Variants in RGS3 observed in about 807,000 individuals in gnomAD.
RGS3 encodes the protein regulator of G-protein signalling 3.
A neutral mutation model predicts 132.6 loss-of-function variants in RGS3; 80 were observed. The observed-to-expected ratio is 0.60, with a 90% CI of 0.50 to 0.73. The LOEUF is 0.73. Ranked by LOEUF, RGS3 falls within the 30% of genes least tolerant of loss-of-function variation. The pLI is 0.00. For missense variants in RGS3, 1,382 were observed against 1,530.8 expected, an observed-to-expected ratio of 0.90 and a Z score of 1.62; for synonymous variants, 598 against 620.6, an observed-to-expected ratio of 0.96 and a Z score of 0.54.
At chr9:113,462,299 G>T (rs1829494998) in intron 3 of RGS3, 1 of 288,054 alleles carries the variant, frequency 3.5e-6, no homozygotes. Context: ...GTTGGAGGGG[G>T]AGAGTGGGGT....
intron 21 of RGS3, chr9:113,593,636 C>A: frequency 2.3e-6 from 1 of 430,918 alleles, no homozygotes; most frequent in South Asian, 3.5e-5. Flanking sequence ...GGCTGAGAGG[C>A]CGGCTGGCAG....
chr9:113,497,604 G>A (rs1335754710), intron 9 of RGS3, among the ~76,000 whole-genome samples, 200 bp downstream of exon 7: 1 of 152,162 alleles, frequency 6.6e-6, no homozygotes, highest in African/African-American at 2.4e-5. Context: ...CTGTTTATCT[G>A]GTTGGACTTT....
At chr9:113,451,754 A>G (rs1041037770) in intron 1 of RGS3, among the ~76,000 whole-genome samples, 2 of 152,040 alleles carry the variant, frequency 1.3e-5, no homozygotes, top group Non-Finnish European at 2.9e-5. Flanking sequence ...ATAATAAGAA[A>G]AGCTATTTCA....
At chr9:113,568,194 C>G (rs1185278228) in intron 19 of RGS3, among the ~76,000 whole-genome samples, 1 of 152,246 alleles carries the variant, frequency 6.6e-6, no homozygotes, top group Non-Finnish European at 1.5e-5. Context: ...CTGCCCAGGC[C>G]TCTCTGTACT....
At chr9:113,583,516 G>C (rs753327775) in exon 20 of RGS3, 10 of 1,614,092 alleles carry the variant, frequency 6.2e-6, no homozygotes, top group Non-Finnish European at 8.5e-6. Context: ...GCCTGGTGCC[G>C]AGGATTCCCC....
intron 19 of RGS3, chr9:113,581,406 C>G (rs1356929561): frequency 6.6e-6 from 1 of 152,226 alleles, no homozygotes; most frequent in Non-Finnish European, 1.5e-5. Flanking sequence ...ACTGGAGGCC[C>G]TGACATTACA....
At chr9:113,474,328 G>A (rs752326297) in intron 3 of RGS3, among the ~76,000 whole-genome samples, 2 of 152,136 alleles carry the variant, frequency 1.3e-5, no homozygotes, top group Non-Finnish European at 2.9e-5. Context: ...GGAACTCAGG[G>A]TTCTCCTTCT....
intron 16 of RGS3, chr9:113,522,313 G>A (rs929725515): frequency 6.6e-6 from 1 of 152,260 alleles, no homozygotes; most frequent in East Asian, 1.9e-4. Context: ...GCTTTACTAG[G>A]TCTGCAAAAA....
intron 7 of RGS3, among the ~76,000 whole-genome samples, chr9:113,490,862 A>G (rs1830490776): frequency 7.6e-6 from 1 of 131,112 alleles, no homozygotes; most frequent in Non-Finnish European, 1.5e-5. Context: ...CCTAATTATA[A>G]TTATATATCA....
At chr9:113,452,862 T>G (rs1261351894) in intron 1 of RGS3, among the ~76,000 whole-genome samples, 2 of 145,060 alleles carry the variant, frequency 1.4e-5, no homozygotes, top group Non-Finnish European at 3.0e-5. Flanking sequence ...CATTATATTT[T>G]TCACCTCTAG....
intron 18 of RGS3, among the ~76,000 whole-genome samples, chr9:113,533,830 C>T (rs565031478): frequency 8.5e-5 from 13 of 152,304 alleles, no homozygotes; most frequent in African/African-American, 2.6e-4. Context: ...CTGCCTCACC[C>T]GGCTTCTCCC....
chr9:113,592,574 C>A (rs1055961478), intron 21 of RGS3: 5 of 152,156 alleles, frequency 3.3e-5, no homozygotes, highest in African/African-American at 1.2e-4. Context: ...ACCTCCGCCT[C>A]CCAAGTTCAA....
At chr9:113,511,574 C>T (rs1278943219) in intron 14 of RGS3, among the ~76,000 whole-genome samples, 1 of 152,124 alleles carries the variant, frequency 6.6e-6, no homozygotes, top group East Asian at 1.9e-4. Context: ...CCTCAGTTTC[C>T]TTGTCTACAA....
At position 113,484,625 on chromosome 9, in the gene RGS3, C is replaced by T. The variant is rs1238884635; in HGVS notation, c.620+393C>T. ...CTCCCTGCCCCCCTTTTTACTTCAA[C>T]TTTCTAACCTCTCTGAGCCTTGGCT... is the stretch of plus-strand genomic sequence containing the variant. On this transcript the variant is annotated intron_variant, in intron 6 of 24. Transcript: ENST00000350696. Among the ~76,000 whole-genome samples, 6 of 152,312 alleles carry T rather than the reference C, an allele frequency of 3.9e-5. No individual in the cohort carries two copies. In the South Asian group the frequency reaches 8.3e-4, roughly 21 times the overall value.
exon 1 of RGS3, chr9:113,460,267 T>A: frequency 1.1e-6 from 1 of 933,422 alleles, no homozygotes; most frequent in Non-Finnish European, 1.4e-6. Flanking sequence ...ATGCCTGTAA[T>A]CCCAGCACTT....
intron 19 of RGS3, chr9:113,581,113 G>C: frequency 7.2e-6 from 3 of 417,896 alleles, no homozygotes; most frequent in Non-Finnish European, 6.4e-6. Flanking sequence ...TGTTTCTCCT[G>C]ATGGAGAATG....
chr9:113,553,462 ATATATAT>A (rs1833438236), intron 19 of RGS3, among the ~76,000 whole-genome samples: 1 of 72,672 alleles, frequency 1.4e-5, no homozygotes, highest in African/African-American at 6.3e-5. Context: ...AAAAAAAAAT[ATATATAT>A]ATATATATAT....
Position 113,565,343 on chromosome 9 carries a change from G to C in RGS3, c.2038-18107G>C. On this transcript the variant is annotated intron_variant, in intron 19 of 24. Coordinates refer to ENST00000350696, the Ensembl canonical transcript of RGS3. The surrounding 1 kb of genome is among the most constrained non-coding windows in gnomAD (Gnocchi z 5.7). ...AAATCCAGCCTCTCTCCAGAGTGGC[G>C]GTGGCCGGCTAGACAGGGTGTGTGT... The C allele has an allele frequency of 7.8e-7, 1 of 1,289,862 alleles. No homozygotes were observed. The highest frequency in any genetic ancestry group is 1.0e-6 in the Non-Finnish European group (1 of 988,838). The allele number at this position is 1,289,862 out of a possible 1,614,324, so 79.9% of individuals were successfully genotyped here.
chr9:113,541,749 G>A, intron 19 of RGS3: 1 of 1,031,916 alleles, frequency 9.7e-7, no homozygotes, highest in South Asian at 3.9e-5. Flanking sequence ...GACCTGCCTT[G>A]GGGGCAGCAG....
Sources: gnomAD v4.1 joint callset for allele counts (sites outside exome capture counted in the v4.1 genomes callset) on GRCh38, gnomAD v4.1.1 for gene constraint, Gnocchi (gnomAD v3.1) non-coding constraint, MANE v1.5 for transcripts, NCBI Gene and HGNC (gene_info 2026-07-23, HGNC 2026-07-21) for gene names.